Variants in SLC9A3 observed in about 807,000 individuals in gnomAD.
SLC9A3 encodes solute carrier family 9 member A3, also known as sodium/hydrogen exchanger 3.
In SLC9A3, 37 loss-of-function variants were observed where a neutral mutation model predicts 86.8. The observed-to-expected ratio is 0.43, with a 90% CI of 0.33 to 0.56. SLC9A3 has a LOEUF of 0.56. Among genes scored for constraint, SLC9A3 ranks in the 20% least tolerant of loss-of-function variants. The probability of loss-of-function intolerance (pLI) is 0.06; values close to 1 mark genes in which losing one functional copy is unlikely to be tolerated. For missense variants in SLC9A3, 1,011 were observed against 1,171.9 expected, an observed-to-expected ratio of 0.86 and a Z score of 2.00; for synonymous variants, 581 against 528.3, an observed-to-expected ratio of 1.10 and a Z score of -1.37.
chr5:514,111 A>G (rs1007238687), intron 1 of SLC9A3, among the ~76,000 whole-genome samples: 24 of 152,264 alleles, frequency 1.6e-4, no homozygotes, highest in African/African-American at 4.8e-5. Context: ...TTCTGGGAAG[A>G]GATTACTTCC....
Position 476,681 on chromosome 5 carries a change from G to T in SLC9A3, c.1761-9C>A. 6.2e-7 allele frequency: 1 copy of T among 1,601,660 alleles called. No individual in the cohort carries two copies. The highest frequency in any genetic ancestry group is 1.1e-5 in the South Asian group (1 of 91,080). The stretch of plus-strand genomic sequence containing the variant: ...CGCTGACATTTTCTCTCCTGCGTGG[G>T]GACCAGCGCTGAGCCATACAGGCTC... On this transcript the variant is annotated splice_polypyrimidine_tract_variant and intron_variant, in intron 11 of 16. Coordinates refer to ENST00000264938, the MANE Select transcript of SLC9A3 (RefSeq NM_004174.4).
chr5:502,285 C>T (rs926636549), intron 1 of SLC9A3, among the ~76,000 whole-genome samples: 8 of 152,222 alleles, frequency 5.3e-5, no homozygotes, highest in African/African-American at 1.4e-4. Flanking sequence ...TCCGGCCCCC[C>T]ACCCCCAGAG....
chr5:485,795 C>T (rs1739434225), intron 3 of SLC9A3, among the ~76,000 whole-genome samples: 1 of 152,210 alleles, frequency 6.6e-6, no homozygotes, highest in Non-Finnish European at 1.5e-5. Flanking sequence ...CTGGCTCTGG[C>T]CAAGGTGGGA....
intron 1 of SLC9A3, among the ~76,000 whole-genome samples, chr5:520,592 G>C (rs143697859): frequency 6.6e-6 from 1 of 152,048 alleles, no homozygotes; most frequent in African/African-American, 2.4e-5. Context: ...CCAGGCAGTC[G>C]TCTGAGAACT....
At position 524,297 on chromosome 5, in the gene SLC9A3, G is replaced by T; in HGVS notation, c.26C>A (p.Pro9His). The change falls in exon 1 of 17, where the codon CCC (proline) becomes CAC (histidine). Residue 9 changes from proline (P) to histidine (H), a missense_variant. Transcript: ENST00000264938. MWGLGARG[P>H]DRGLLLALAL... ...CAGCGCCAGCAGCAGCCCCCGGTCG[G>T]GGCCCCGGGCCCCGAGTCCCCACAT... is the stretch of plus-strand genomic sequence containing the variant. 1 of 1,287,874 alleles carries T rather than the reference G, an allele frequency of 7.8e-7. No individual in the cohort carries two copies. Among genetic ancestry groups the T allele is most frequent in the Admixed American group, 3.9e-5 (1 of 25,700 alleles). The allele number at this position is 1,287,874 out of a possible 1,614,324, so 79.8% of individuals were successfully genotyped here. A position where few individuals can be genotyped will look rare whatever the true frequency, so the allele number is the denominator to read the frequency against.
At chr5:477,588 C>T in intron 10 of SLC9A3, 144 bp from the exon 11 acceptor site, 2 of 566,938 alleles carry the variant, frequency 3.5e-6, no homozygotes, top group Non-Finnish European at 6.2e-6. Flanking sequence ...CTCACAGCTG[C>T]AGAGGGAGGG....
At chr5:523,106 A>T (rs1452454276) in intron 1 of SLC9A3, among the ~76,000 whole-genome samples, 2 of 152,194 alleles carry the variant, frequency 1.3e-5, no homozygotes, top group African/African-American at 2.4e-5. Flanking sequence ...AAGCAAACAC[A>T]CAAGGGGCCT....
In SLC9A3 at chr5:475,094, C is replaced by T; in HGVS notation, c.2290G>A (p.Asp764Asn). The change falls in exon 16 of 17, where the codon GAC becomes AAC. Residue 764 changes from aspartate to asparagine, a missense_variant. Physicochemically the swap from Asp to Asn is conservative, Grantham distance 23. This residue lies in a region of SLC9A3 where 397 missense variants were observed against 346.3 expected (regional missense o/e 1.15). Transcript: ENST00000264938. ...NPVFSPDEALDRSLLARLPPW... is the reference protein window; with the variant it reads ...NPVFSPDEALNRSLLARLPPW... ...GGCAGCCTGGCCAGGAGGCTGCGGT[C>T]CAGGGCCTCGTCCGGAGAAAACACA... 6.2e-7 allele frequency: 1 copy of T among 1,608,490 alleles called. No homozygotes were observed. Among genetic ancestry groups the T allele is most frequent in the Non-Finnish European group, 8.5e-7 (1 of 1,177,310 alleles).
chr5:491,907 C>G lies in SLC9A3; in HGVS notation c.376G>C (p.Asp126His). Residue 126 changes from aspartate to histidine, a missense_variant, in exon 2 of 17, where the codon GAC (aspartate) becomes CAC (histidine). By Grantham distance (81) the Asp-to-His change is moderately conservative. Around this residue, in one of 3 missense-constraint regions of SLC9A3, gnomAD observed 565 missense variants for 790.0 expected, o/e 0.72. Transcript: ENST00000264938. This position sits in a 1 kb window ranked among gnomAD's most constrained non-coding sequence, Gnocchi z 9.2. ...FFYLLPPIVL[D>H]AGYFMPNRLF... ...CGGTTGGGCATGAAGTAGCCGGCGT[C>G]CAGCACGATGGGGGGCAGCAGGTAG... 6.2e-7 allele frequency: 1 copy of G among 1,611,908 alleles called. No homozygotes were observed. Among genetic ancestry groups the G allele is most frequent in the Non-Finnish European group, 8.5e-7 (1 of 1,179,570 alleles).
At chr5:502,014 T>C (rs1447717778) in intron 1 of SLC9A3, among the ~76,000 whole-genome samples, 1 of 152,248 alleles carries the variant, frequency 6.6e-6, no homozygotes, top group Non-Finnish European at 1.5e-5. Flanking sequence ...CAACAGCCCG[T>C]TCAGGACTGG....
At chr5:504,236 C>T (rs370413589) in intron 1 of SLC9A3, among the ~76,000 whole-genome samples, 13,473 of 54,342 alleles carry the variant, frequency 0.25, 669 homozygotes, top group African/African-American at 0.33. Flanking sequence ...CCGCCAGCTC[C>T]GGAACCCCCG....
chr5:475,466 C>G, intron 15 of SLC9A3, 95 bp downstream of exon 15: 1 of 760,284 alleles, frequency 1.3e-6, no homozygotes, highest in Admixed American at 2.3e-5. Flanking sequence ...CCCACCCCCC[C>G]AGGTCCCAGT....
At chr5:482,044 C>CCG (rs1739220930) in intron 8 of SLC9A3, 24 bp downstream of exon 8, 1 of 630,006 alleles carries the variant, frequency 1.6e-6, no homozygotes, top group Non-Finnish European at 2.7e-6. Flanking sequence ...GTGCCCCCCC[C>CCG]CCGCCCCCCA....
chr5:491,007 C>T lies in SLC9A3; in HGVS notation c.514+762G>A, dbSNP rs547796898. Among the ~76,000 whole-genome samples, 2 of 152,336 alleles carry T rather than the reference C, an allele frequency of 1.3e-5. No individual in the cohort carries two copies. The highest frequency in any genetic ancestry group is 1.9e-4 in the East Asian group (1 of 5,188). ...CTTGATTCCCATGGAGAGGCCGGGCCGTGCTCTCTCTTGAACCAGACGGAA... is the reference window on the plus strand; with the variant it reads ...CTTGATTCCCATGGAGAGGCCGGGCTGTGCTCTCTCTTGAACCAGACGGAA... On this transcript the variant is annotated intron_variant, in intron 2 of 16. Transcript: ENST00000264938. The surrounding 1 kb of genome is among the most constrained non-coding windows in gnomAD (Gnocchi z 9.2).
At chr5:502,063 T>C (rs764175772) in intron 1 of SLC9A3, among the ~76,000 whole-genome samples, 11 of 152,272 alleles carry the variant, frequency 7.2e-5, no homozygotes, top group Non-Finnish European at 4.4e-5. Context: ...TTACACATTG[T>C]ACATTTACAA....
chr5:471,633 G>T lies in SLC9A3; in HGVS notation c.*1746C>A, dbSNP rs534719528. 22 of 392,298 alleles carry T rather than the reference G, an allele frequency of 5.6e-5. No homozygotes were observed. Among genetic ancestry groups the T allele is most frequent in the African/African-American group, 4.1e-4 (20 of 48,222 alleles). The allele number at this position is 392,298 out of a possible 1,614,324, so 24.3% of individuals were successfully genotyped here. ...TCCAGTAGGGTCACTGACTGGGCAGGGCTTGCTGCATAGAGGATGGCTGCA... is the reference window on the plus strand; with the variant it reads ...TCCAGTAGGGTCACTGACTGGGCAGTGCTTGCTGCATAGAGGATGGCTGCA... On this transcript the variant is annotated 3_prime_UTR_variant, in exon 17 of 17. Transcript: ENST00000264938.
intron 10 of SLC9A3, 92 bp downstream of exon 10, chr5:479,744 T>C: frequency 7.5e-7 from 1 of 1,340,154 alleles, no homozygotes; most frequent in Non-Finnish European, 1.0e-6. Flanking sequence ...GGGACGCGGG[T>C]GCAGGGGCCT....
rs1227633471 is a variant in SLC9A3 at position 472,714 on chromosome 5, G to T, written c.*665C>A. 1.4e-5 allele frequency: 8 copies of T among 557,778 alleles called. No individual in the cohort carries two copies. The highest frequency in any genetic ancestry group is 2.7e-5 in the Non-Finnish European group (8 of 292,368). The allele number at this position is 557,778 out of a possible 1,614,324, so 34.6% of individuals were successfully genotyped here. A position where few individuals can be genotyped will look rare whatever the true frequency, so the allele number is the denominator to read the frequency against. On this transcript the variant is annotated 3_prime_UTR_variant, in exon 17 of 17. Coordinates refer to ENST00000264938, the MANE Select transcript of SLC9A3 (RefSeq NM_004174.4). ...AAGACCTGGCGAGGGCCTGGAAACGGCGCTCGGCCCAGGCCGCTTGCGGGC... is the reference window on the plus strand; with the variant it reads ...AAGACCTGGCGAGGGCCTGGAAACGTCGCTCGGCCCAGGCCGCTTGCGGGC...
chr5:485,855 G>C (rs1034476282), intron 3 of SLC9A3, among the ~76,000 whole-genome samples: 14 of 152,212 alleles, frequency 9.2e-5, no homozygotes, highest in African/African-American at 3.4e-4. Context: ...GCAGGCTGGG[G>C]TGGGGGGCCC....
Sources: allele counts gnomAD v4.1 joint callset (sites outside exome capture counted in the v4.1 genomes callset), GRCh38; gene constraint gnomAD v4.1.1; regional missense constraint gnomAD v4.1.1; non-coding constraint Gnocchi (gnomAD v3.1); transcripts MANE v1.5; gene names NCBI Gene and HGNC (gene_info 2026-07-23, HGNC 2026-07-21).